Variants in GNA14 observed in about 807,000 individuals in gnomAD.
GNA14 encodes guanine nucleotide-binding protein subunit alpha-14.
A neutral mutation model predicts 42.0 loss-of-function variants in GNA14; 50 were observed. The ratio of observed to expected loss-of-function variants is 1.19; its 90% CI spans 0.95 to 1.51. The LOEUF (loss-of-function observed/expected upper bound fraction) is 1.51. Among genes scored for constraint, GNA14 ranks in the 40% most tolerant of loss-of-function variants. The probability of loss-of-function intolerance (pLI) is 0.00; values close to 1 mark genes in which losing one functional copy is unlikely to be tolerated. For synonymous variants in GNA14, 173 were observed against 163.1 expected, an observed-to-expected ratio of 1.06 and a Z score of -0.46; for missense variants, 473 against 446.2, an observed-to-expected ratio of 1.06 and a Z score of -0.54.
Position 77,600,561 on chromosome 9 carries a change from C to T in GNA14, c.124+47109G>A, listed in dbSNP as rs974196984. On this transcript the variant is annotated intron_variant, in intron 1 of 6. Transcript: ENST00000341700. Reference sequence around the variant, plus strand: ...ACCCCGGCGTTGGCAAAACCATACTCGGTCAGTTTCCTTTAAGAAACTCAG... The same window carrying T: ...ACCCCGGCGTTGGCAAAACCATACTTGGTCAGTTTCCTTTAAGAAACTCAG... Among the ~76,000 whole-genome samples, 4 of 152,274 alleles carry T rather than the reference C, an allele frequency of 2.6e-5. No homozygotes were observed. The East Asian group carries it at 5.8e-4, about 22-fold the overall frequency.
chr9:77,478,352 T>A (rs1387138129), intron 2 of GNA14, among the ~76,000 whole-genome samples: 1 of 152,216 alleles, frequency 6.6e-6, no homozygotes, highest in African/African-American at 2.4e-5. Flanking sequence ...ACAAAGGACA[T>A]GAACTCAACA....
chr9:77,581,089 G>C (rs888568185), intron 1 of GNA14, among the ~76,000 whole-genome samples: 1 of 151,122 alleles, frequency 6.6e-6, no homozygotes, highest in Admixed American at 6.6e-5. Context: ...TAAATGACTT[G>C]GTCACCCTAA....
chr9:77,447,071 C>G (rs1427459191), intron 2 of GNA14, among the ~76,000 whole-genome samples: 1 of 151,810 alleles, frequency 6.6e-6, no homozygotes, highest in East Asian at 1.9e-4. Context: ...TCAAGCAATT[C>G]TCCTGCCTCA....
chr9:77,489,834 A>G (rs1836730350), intron 2 of GNA14, among the ~76,000 whole-genome samples: 1 of 152,168 alleles, frequency 6.6e-6, no homozygotes, highest in South Asian at 2.1e-4. Context: ...GCGTGGACCC[A>G]AAGAGTGAGC....
rs950805469 is a variant in GNA14 at position 77,537,096 on chromosome 9, C to G, written c.125-7843G>C. 6.0e-4 allele frequency among the ~76,000 whole-genome samples: 92 copies of G among 152,246 alleles called. 1 individual carries two copies. The highest frequency in any genetic ancestry group is 3.4e-3 in the Middle Eastern group (1 of 294). On this transcript the variant is annotated intron_variant, in intron 1 of 6. Transcript: ENST00000341700. ...GTGTCAGTAACATTTCAAGTCCTCT[C>G]TTCTAGCTACTTTGAGTATACAATA...
chr9:77,458,873 C>T (rs998923088), intron 2 of GNA14, among the ~76,000 whole-genome samples: 2 of 150,136 alleles, frequency 1.3e-5, no homozygotes, highest in African/African-American at 5.0e-5. Context: ...CACCTCTCTG[C>T]AGAACCTAAG....
At chr9:77,470,565 G>A (rs1336712148) in intron 2 of GNA14, among the ~76,000 whole-genome samples, 1 of 152,166 alleles carries the variant, frequency 6.6e-6, no homozygotes, top group East Asian at 1.9e-4. Flanking sequence ...AGTGGTGAAT[G>A]CCTATGAAAG....
At chr9:77,539,455 C>T (rs768018577) in intron 1 of GNA14, among the ~76,000 whole-genome samples, 6 of 152,004 alleles carry the variant, frequency 3.9e-5, no homozygotes, top group Non-Finnish European at 8.8e-5. Flanking sequence ...CAGGGATATT[C>T]GCCTGTTGTT....
chr9:77,624,654 A>G (rs1420481950), intron 1 of GNA14, among the ~76,000 whole-genome samples: 1 of 152,268 alleles, frequency 6.6e-6, no homozygotes, highest in African/African-American at 2.4e-5. Context: ...CCTCCAGCAA[A>G]CTCCAGCAGA....
intron 1 of GNA14, among the ~76,000 whole-genome samples, chr9:77,598,201 T>C (rs1823497742): frequency 6.6e-6 from 1 of 152,208 alleles, no homozygotes; most frequent in African/African-American, 2.4e-5. Flanking sequence ...CTATTACTTT[T>C]AGGGGTTCTA....
rs764378681 is a variant in GNA14 at position 77,546,215 on chromosome 9, CAAAAAAAAAA to C, written c.125-16972_125-16963del. On this transcript the variant is annotated intron_variant, in intron 1 of 6. Coordinates refer to ENST00000341700, the MANE Select transcript of GNA14 (RefSeq NM_004297.4). ...CTGGGTGACAGAGCGAGCTCCATCT[CAAAAAAAAAA>C]AAAAAAAAAAAAAAGAATTATCTAA... Among the ~76,000 whole-genome samples the C allele has an allele frequency of 4.9e-4, 21 of 42,918 alleles. No homozygotes were observed. In the East Asian group the frequency reaches 0.012, roughly 25 times the overall value. The allele number at this position is 42,918 out of a possible 152,430, so 28.2% of individuals were successfully genotyped here. A position where few individuals can be genotyped will look rare whatever the true frequency, so the allele number is the denominator to read the frequency against.
chr9:77,434,408 C>G lies in GNA14; in HGVS notation c.424G>C (p.Asp142His), dbSNP rs150584570. The change falls in exon 3 of 7, where the codon GAC becomes CAC. Residue 142 changes from aspartate to histidine, a missense_variant. Coordinates refer to ENST00000341700, the MANE Select transcript of GNA14 (RefSeq NM_004297.4). Reference protein sequence around the residue: ...WQDPGIQECYDRRREYQLSDS... With the variant: ...WQDPGIQECYHRRREYQLSDS... ...GACAGCTGGTACTCCCTCCTCCTGT[C>G]GTAACACTCCTGGATGCCTGGATCT... is the stretch of plus-strand genomic sequence containing the variant. 2 of 1,614,002 alleles carry G rather than the reference C, an allele frequency of 1.2e-6. No individual in the cohort carries two copies. The highest frequency in any genetic ancestry group is 2.2e-5 in the South Asian group (2 of 91,082).
In GNA14 at chr9:77,639,154, C is replaced by G. The variant is rs555974985; in HGVS notation, c.124+8516G>C. ...TAGATCTTTGTAATTTGGCGCTGCC[C>G]AGCATCTGAGCACTTACCTTCTGGG... is the stretch of plus-strand genomic sequence containing the variant. On this transcript the variant is annotated intron_variant, in intron 1 of 6. Transcript: ENST00000341700. 1.8e-4 allele frequency among the ~76,000 whole-genome samples: 28 copies of G among 152,088 alleles called. 1 individual carries two copies. The East Asian group carries it at 4.1e-3, about 22-fold the overall frequency.
chr9:77,496,745 C>A (rs996937663), intron 2 of GNA14, among the ~76,000 whole-genome samples: 9 of 152,152 alleles, frequency 5.9e-5, no homozygotes, highest in African/African-American at 2.2e-4. Flanking sequence ...TGTACCTCTT[C>A]AGGAAAGGTC....
At chr9:77,454,464 CCACT>C (rs1835965536) in intron 2 of GNA14, among the ~76,000 whole-genome samples, 1 of 152,192 alleles carries the variant, frequency 6.6e-6, no homozygotes, top group African/African-American at 2.4e-5. Context: ...AAGTGCCAGG[CCACT>C]CAGACTTTGC....
At chr9:77,527,438 A>T (rs554609117) in intron 2 of GNA14, among the ~76,000 whole-genome samples, 1 of 152,200 alleles carries the variant, frequency 6.6e-6, no homozygotes, top group African/African-American at 2.4e-5. Flanking sequence ...GGACAGTTTT[A>T]AATGCAGCCC....
chr9:77,503,420 G>A (rs878953815), intron 2 of GNA14, among the ~76,000 whole-genome samples: 3 of 152,114 alleles, frequency 2.0e-5, no homozygotes, highest in African/African-American at 4.8e-5. Flanking sequence ...ATGTACAAAT[G>A]CCAGTGATTT....
At chr9:77,613,432 C>T (rs1823762650) in intron 1 of GNA14, among the ~76,000 whole-genome samples, 1 of 152,176 alleles carries the variant, frequency 6.6e-6, no homozygotes, top group South Asian at 2.1e-4. Context: ...TACGAAGTTT[C>T]AGTTATGCAA....
At chr9:77,568,784 G>C (rs920148477) in intron 1 of GNA14, among the ~76,000 whole-genome samples, 10 of 152,180 alleles carry the variant, frequency 6.6e-5, no homozygotes, top group Non-Finnish European at 1.5e-4. Context: ...ATCAACCACA[G>C]AGCTGAGGAG....
Sources: gnomAD v4.1 joint callset for allele counts (sites outside exome capture counted in the v4.1 genomes callset) on GRCh38, gnomAD v4.1.1 for gene constraint, MANE v1.5 for transcripts, NCBI Gene and HGNC (gene_info 2026-07-23, HGNC 2026-07-21) for gene names.